PHLDB2: variants seen among roughly 807,000 people sequenced by gnomAD.
The protein encoded by PHLDB2 is pleckstrin homology like domain family B member 2.
A neutral mutation model predicts 123.6 loss-of-function variants in PHLDB2; 71 were observed. That is an observed-to-expected ratio of 0.57 (90% confidence interval 0.47 to 0.70). The LOEUF (loss-of-function observed/expected upper bound fraction) is 0.70. Among genes scored for constraint, PHLDB2 ranks in the 30% least tolerant of loss-of-function variants. PHLDB2 has a pLI of 0.00. For synonymous variants in PHLDB2, 547 were observed against 541.6 expected (o/e 1.01, Z -0.14); for missense variants, 1,446 against 1,519.5 (o/e 0.95, Z 0.80).
At chr3:111,893,631 A>C (rs1030605681) in intron 2 of PHLDB2, among the ~76,000 whole-genome samples, 1 of 150,204 alleles carries the variant, frequency 6.7e-6, no homozygotes, top group African/African-American at 2.4e-5. Context: ...TGTTTAAAAT[A>C]GCCAGTCAAT....
intron 1 of PHLDB2, among the ~76,000 whole-genome samples, chr3:111,875,927 A>C (rs923487751): frequency 1.3e-5 from 2 of 152,242 alleles, no homozygotes; most frequent in Admixed American, 1.3e-4. Flanking sequence ...TGGTTGTCAA[A>C]ATGGTCCAAA....
chr3:111,860,016 G>A lies in PHLDB2; in HGVS notation c.-15+440G>A, dbSNP rs187384778. On this transcript the variant is annotated intron_variant, in intron 1 of 17. Transcript: ENST00000431670. Reference sequence around the variant, plus strand: ...GCGAACCCCGTTGTGCATGACTCTCGGGGGGCTGGGTAGATCTCCGGTTGA... The same window carrying A: ...GCGAACCCCGTTGTGCATGACTCTCAGGGGGCTGGGTAGATCTCCGGTTGA... The A allele has an allele frequency of 3.4e-5, 17 of 504,994 alleles. No homozygotes were observed. In the East Asian group the frequency reaches 2.6e-3, roughly 76 times the overall value. The allele number at this position is 504,994 out of a possible 1,614,324, so 31.3% of individuals were successfully genotyped here. A position where few individuals can be genotyped will look rare whatever the true frequency, so the allele number is the denominator to read the frequency against.
chr3:111,814,384 G>A (rs1178310179), intron 1 of PHLDB2, among the ~76,000 whole-genome samples: 17 of 152,192 alleles, frequency 1.1e-4, no homozygotes, highest in Admixed American at 1.1e-3. Context: ...TCAGACTCCA[G>A]GTTCTTCAGT....
At chr3:111,770,029 C>T (rs2060147529) in intron 1 of PHLDB2, among the ~76,000 whole-genome samples, 2 of 152,168 alleles carry the variant, frequency 1.3e-5, no homozygotes, top group Non-Finnish European at 2.9e-5. Context: ...ATGTCACTTT[C>T]CAGTATTTCT....
chr3:111,817,642 T>C lies in PHLDB2; in HGVS notation c.-48-28179T>C, dbSNP rs1161759748. 2.0e-5 allele frequency among the ~76,000 whole-genome samples: 3 copies of C among 152,204 alleles called. No homozygotes were observed. The East Asian group carries it at 5.8e-4, about 29-fold the overall frequency. ...ATTTTCTAGCATTTTGTTAGACCTTTCCAAACTCTTATCTCATAGCCAATT... is the reference window on the plus strand; with the variant it reads ...ATTTTCTAGCATTTTGTTAGACCTTCCCAAACTCTTATCTCATAGCCAATT... On this transcript the variant is annotated intron_variant, in intron 1 of 17. Coordinates refer to the PHLDB2 transcript ENST00000393923.
chr3:111,930,408 G>GTCT (rs59844861), intron 5 of PHLDB2, among the ~76,000 whole-genome samples: 133,989 of 151,694 alleles, frequency 0.88, 59,321 homozygotes, highest in Middle Eastern at 0.92. Flanking sequence ...ATAATGAGTA[G>GTCT]TCTTCTTTTT....
chr3:111,956,778 A>T (rs1222814633), intron 12 of PHLDB2, among the ~76,000 whole-genome samples: 1 of 152,226 alleles, frequency 6.6e-6, no homozygotes, highest in African/African-American at 2.4e-5. Context: ...TACACAGCCC[A>T]AACTGGTGGT....
At chr3:111,832,455 C>G (rs79450700) in intron 1 of PHLDB2, among the ~76,000 whole-genome samples, 20,938 of 150,792 alleles carry the variant, frequency 0.14, 1,648 homozygotes, top group Admixed American at 0.17. Flanking sequence ...ACTCCATTCC[C>G]ACATCCTTCC....
chr3:111,951,406 T>C (rs2070709441), intron 10 of PHLDB2, among the ~76,000 whole-genome samples: 1 of 152,228 alleles, frequency 6.6e-6, no homozygotes, highest in South Asian at 2.1e-4. Context: ...ATTAATTGAT[T>C]AGCTAGTATA....
At chr3:111,866,463 A>G (rs751376725) in intron 1 of PHLDB2, among the ~76,000 whole-genome samples, 8 of 152,218 alleles carry the variant, frequency 5.3e-5, no homozygotes, top group Non-Finnish European at 1.2e-4. Flanking sequence ...TGGGAATTCC[A>G]GCAAGTATTT....
intron 1 of PHLDB2, among the ~76,000 whole-genome samples, chr3:111,839,672 G>A (rs1239173482): frequency 6.6e-6 from 1 of 151,250 alleles, no homozygotes; most frequent in Non-Finnish European, 1.5e-5. Flanking sequence ...TTTTAATTGT[G>A]TTGGTTATAA....
intron 2 of PHLDB2, among the ~76,000 whole-genome samples, chr3:111,892,709 A>G (rs2107380878): frequency 1.3e-5 from 2 of 152,326 alleles, no homozygotes; most frequent in Middle Eastern, 3.4e-3. Flanking sequence ...ATTTTCTAGC[A>G]TTCTTTGTAA....
chr3:111,918,389 A>G (rs1484476107), intron 3 of PHLDB2, among the ~76,000 whole-genome samples: 1 of 152,242 alleles, frequency 6.6e-6, no homozygotes, highest in Non-Finnish European at 1.5e-5. Flanking sequence ...ATATAGCAAG[A>G]ACGTCTATAG....
chr3:111,781,442 C>T (rs1370784979), intron 1 of PHLDB2, among the ~76,000 whole-genome samples: 1 of 152,032 alleles, frequency 6.6e-6, no homozygotes, highest in Non-Finnish European at 1.5e-5. Flanking sequence ...TCAGGATTGC[C>T]AGGAAAGCTT....
chr3:111,768,952 T>C (rs2060128373), intron 1 of PHLDB2, among the ~76,000 whole-genome samples: 1 of 152,190 alleles, frequency 6.6e-6, no homozygotes, highest in African/African-American at 2.4e-5. Flanking sequence ...TGGTTGCCAA[T>C]GAGCAATTTC....
intron 11 of PHLDB2, 57 bp downstream of exon 11, chr3:111,952,769 T>G: frequency 1.3e-6 from 2 of 1,571,320 alleles, no homozygotes; most frequent in Non-Finnish European, 1.7e-6. Context: ...TGTCATTATA[T>G]TCACTGATGT....
At chr3:111,836,334 T>C (rs1023341455) in intron 1 of PHLDB2, among the ~76,000 whole-genome samples, 3 of 152,162 alleles carry the variant, frequency 2.0e-5, no homozygotes, top group African/African-American at 7.2e-5. Flanking sequence ...GTGCTCACAG[T>C]TGTCATATGA....
chr3:111,938,978 T>G lies in PHLDB2; in HGVS notation c.2131-497T>G, dbSNP rs1324078994. Among the ~76,000 whole-genome samples the G allele has an allele frequency of 3.3e-5, 5 of 152,078 alleles. No individual in the cohort carries two copies. In the East Asian group the frequency reaches 9.7e-4, roughly 29 times the overall value. Reference sequence around the variant, plus strand: ...GCCCACCACCACGCCCAGCTAACTTTTGTATTTTTAGTAGAGACGGGGTTT... The same window carrying G: ...GCCCACCACCACGCCCAGCTAACTTGTGTATTTTTAGTAGAGACGGGGTTT... On this transcript the variant is annotated intron_variant, in intron 6 of 17. Transcript: ENST00000431670.
intron 2 of PHLDB2, among the ~76,000 whole-genome samples, chr3:111,903,348 T>C (rs1030907658): frequency 3.3e-5 from 5 of 152,196 alleles, no homozygotes; most frequent in Non-Finnish European, 7.3e-5. Context: ...AATGTGTTGC[T>C]CTGTAGTGGT....
Sources: gnomAD v4.1 joint callset for allele counts (sites outside exome capture counted in the v4.1 genomes callset) on GRCh38, gnomAD v4.1.1 for gene constraint, MANE v1.5 for transcripts, NCBI Gene and HGNC (gene_info 2026-07-23, HGNC 2026-07-21) for gene names.